The following CACNA1E variants were observed in gnomAD, a reference collection of about 807,000 sequenced individuals.
CACNA1E encodes the protein calcium voltage-gated channel subunit alpha1 E.
A neutral mutation model predicts 259.2 loss-of-function variants in CACNA1E; 40 were observed. The observed-to-expected ratio is 0.15, with a 90% confidence interval of 0.12 to 0.20. CACNA1E has a LOEUF of 0.20. Ranked by LOEUF, CACNA1E falls within the 10% of genes least tolerant of loss-of-function variation. The probability of loss-of-function intolerance (pLI) is 1.00; values close to 1 mark genes in which losing one functional copy is unlikely to be tolerated. For synonymous variants in CACNA1E, 1,104 were observed against 1,138.5 expected, an observed-to-expected ratio of 0.97 and a Z score of 0.61; for missense variants, 1,874 against 3,040.1, an observed-to-expected ratio of 0.62 and a Z score of 9.02.
chr1:181,729,245 A>ATGTGTGTACACTGCTCAGGTG (rs1655235535), intron 18 of CACNA1E, among the ~76,000 whole-genome samples: 1 of 137,260 alleles, frequency 7.3e-6, no homozygotes, highest in South Asian at 2.4e-4. Context: ...CCCTGCACAG[A>ATGTGTGTACACTGCTCAGGTG]TGTGTGTACA....
chr1:181,366,433 A>G (rs918663415), intron 1 of CACNA1E, among the ~76,000 whole-genome samples: 4 of 152,094 alleles, frequency 2.6e-5, no homozygotes, highest in Admixed American at 2.0e-4. Flanking sequence ...AACTGATTTG[A>G]CCTGAGGCAC....
chr1:181,780,392 A>G (rs1660321287), intron 38 of CACNA1E, among the ~76,000 whole-genome samples: 1 of 152,186 alleles, frequency 6.6e-6, no homozygotes, highest in Non-Finnish European at 1.5e-5. Flanking sequence ...CAATGGCTCT[A>G]CTAAGCCCCT....
chr1:181,614,095 C>T (rs925953158), intron 6 of CACNA1E, among the ~76,000 whole-genome samples: 1 of 152,096 alleles, frequency 6.6e-6, no homozygotes, highest in African/African-American at 2.4e-5. Context: ...AATCCTGCAC[C>T]CATGTAAAAG....
At chr1:181,716,582 T>G (rs991720687) in intron 10 of CACNA1E, among the ~76,000 whole-genome samples, 8 of 152,208 alleles carry the variant, frequency 5.3e-5, no homozygotes, top group African/African-American at 1.9e-4. Context: ...TAATTCTGAT[T>G]GGCAATTATT....
At chr1:181,671,331 A>G (rs1423216103) in intron 7 of CACNA1E, among the ~76,000 whole-genome samples, 1 of 152,184 alleles carries the variant, frequency 6.6e-6, no homozygotes, top group Non-Finnish European at 1.5e-5. Flanking sequence ...CAGCCACCAA[A>G]CATTTGTTAA....
chr1:181,461,271 G>C (rs1439648239), intron 2 of CACNA1E, among the ~76,000 whole-genome samples: 2 of 152,202 alleles, frequency 1.3e-5, no homozygotes, highest in South Asian at 4.1e-4. Context: ...GCCGGGCGCA[G>C]TGGCTCACGC....
At chr1:181,533,640 A>G (rs1271891927) in intron 3 of CACNA1E, among the ~76,000 whole-genome samples, 2 of 152,052 alleles carry the variant, frequency 1.3e-5, no homozygotes, top group African/African-American at 4.8e-5. Context: ...TTTTGTTTGG[A>G]AATGCAGTGG....
At chr1:181,323,198 A>G (rs549678857) in intron 1 of CACNA1E, among the ~76,000 whole-genome samples, 1 of 152,302 alleles carries the variant, frequency 6.6e-6, no homozygotes, top group East Asian at 1.9e-4. Flanking sequence ...AAATGTGTAC[A>G]TGTGCTTTTT....
At chr1:181,349,791 G>A (rs1294740744) in intron 1 of CACNA1E, among the ~76,000 whole-genome samples, 1 of 152,016 alleles carries the variant, frequency 6.6e-6, no homozygotes. Flanking sequence ...TGTGTGTATA[G>A]GGGTATTGTG....
chr1:181,573,985 A>C (rs1042659778), intron 3 of CACNA1E, among the ~76,000 whole-genome samples: 5 of 152,216 alleles, frequency 3.3e-5, no homozygotes, highest in African/African-American at 1.2e-4. Context: ...AGGGACATGG[A>C]TGGAACTGGA....
chr1:181,438,450 C>A (rs949816961), intron 2 of CACNA1E, among the ~76,000 whole-genome samples: 5 of 152,176 alleles, frequency 3.3e-5, no homozygotes, highest in East Asian at 3.8e-4. Flanking sequence ...TATGGAAATT[C>A]TTTCAGGGCA....
At chr1:181,737,994 C>G (rs1288544530) in intron 23 of CACNA1E, among the ~76,000 whole-genome samples, 1 of 152,202 alleles carries the variant, frequency 6.6e-6, no homozygotes. Flanking sequence ...TCCTGGGGTC[C>G]CACGGGTATG....
At chr1:181,739,650 C>G (rs1656379681) in intron 25 of CACNA1E, among the ~76,000 whole-genome samples, 1 of 152,168 alleles carries the variant, frequency 6.6e-6, no homozygotes, top group African/African-American at 2.4e-5. Context: ...AAGAAAGATG[C>G]AGAGGGTAGA....
At chr1:181,556,132 A>T (rs1648693306) in intron 3 of CACNA1E, among the ~76,000 whole-genome samples, 1 of 152,168 alleles carries the variant, frequency 6.6e-6, no homozygotes, top group Non-Finnish European at 1.5e-5. Flanking sequence ...AGGATGCTGC[A>T]GTGTAAGGAT....
intron 21 of CACNA1E, among the ~76,000 whole-genome samples, chr1:181,734,239 C>G (rs1375464655): frequency 1.3e-5 from 2 of 152,120 alleles, no homozygotes; most frequent in African/African-American, 4.8e-5. Flanking sequence ...AGGCCTTTCC[C>G]TGTACTAACA....
intron 25 of CACNA1E, among the ~76,000 whole-genome samples, chr1:181,748,323 T>G (rs1234702120): frequency 6.6e-6 from 1 of 152,208 alleles, no homozygotes; most frequent in Non-Finnish European, 1.5e-5. Context: ...ACATGCCTTA[T>G]ATGGTATATG....
chr1:181,596,332 A>G (rs1264361156), intron 6 of CACNA1E, among the ~76,000 whole-genome samples: 2 of 152,176 alleles, frequency 1.3e-5, no homozygotes, highest in Non-Finnish European at 2.9e-5. Context: ...AGGAGTGCAG[A>G]TTGCACAAAG....
intron 1 of CACNA1E, among the ~76,000 whole-genome samples, chr1:181,386,939 C>T (rs1301825962): frequency 6.6e-6 from 1 of 152,184 alleles, no homozygotes; most frequent in Non-Finnish European, 1.5e-5. Context: ...GTTTTTGCCT[C>T]ATCGCAGGCC....
At chr1:181,346,065 G>A (rs56755848) in intron 1 of CACNA1E, among the ~76,000 whole-genome samples, 4,438 of 152,298 alleles carry the variant, frequency 0.029, 203 homozygotes, top group African/African-American at 0.099. Context: ...GTGGAATGGA[G>A]ACCCCTGCAC....
Sources: allele counts gnomAD v4.1 joint callset (sites outside exome capture counted in the v4.1 genomes callset), GRCh38; gene constraint gnomAD v4.1.1; transcripts MANE v1.5; gene names NCBI Gene and HGNC (gene_info 2026-07-23, HGNC 2026-07-21).